TUSC3: variants seen among roughly 807,000 people sequenced by gnomAD.
The protein encoded by TUSC3 is tumor suppressor candidate 3.
A neutral mutation model predicts 44.8 loss-of-function variants in TUSC3; 45 were observed. That is an observed-to-expected ratio of 1.00 (90% CI 0.79 to 1.29). The LOEUF (loss-of-function observed/expected upper bound fraction) is 1.29, where lower values mean the gene tolerates loss of function less well. Ranked by LOEUF, TUSC3 falls within the 50% of genes most tolerant of loss-of-function variation. The pLI, the probability that TUSC3 is intolerant of heterozygous loss-of-function variation, is 0.00. For missense variants in TUSC3, 519 were observed against 437.9 expected (o/e 1.19, Z -1.65); for synonymous variants, 212 against 152.9 (o/e 1.39, Z -2.85).
chr8:15,640,277 G>A (rs998462721), intron 2 of TUSC3, among the ~76,000 whole-genome samples: 1 of 152,186 alleles, frequency 6.6e-6, no homozygotes, highest in Non-Finnish European at 1.5e-5. Flanking sequence ...AATTGATCCT[G>A]TGTGACCTGA....
intron 6 of TUSC3, among the ~76,000 whole-genome samples, chr8:15,684,029 A>C (rs1293464664): frequency 6.6e-6 from 1 of 150,954 alleles, no homozygotes; most frequent in Non-Finnish European, 1.5e-5. Context: ...CACTTAAGAG[A>C]TAAGGGCCTG....
intron 1 of TUSC3, among the ~76,000 whole-genome samples, chr8:15,476,349 T>G (rs1284046169): frequency 6.6e-6 from 1 of 152,212 alleles, no homozygotes; most frequent in Non-Finnish European, 1.5e-5. Flanking sequence ...TTATCCTTTT[T>G]GTATAGTTCA....
chr8:15,432,962 A>T (rs1016645533), intron 1 of TUSC3, among the ~76,000 whole-genome samples: 16 of 152,126 alleles, frequency 1.1e-4, no homozygotes, highest in Non-Finnish European at 1.9e-4. Flanking sequence ...GCTTTGCTAT[A>T]TTTCAAAATG....
chr8:15,432,777 A>G (rs1799887256), intron 1 of TUSC3, among the ~76,000 whole-genome samples: 1 of 151,710 alleles, frequency 6.6e-6, no homozygotes, highest in African/African-American at 2.4e-5. Flanking sequence ...GTGAGGCAGG[A>G]TAGCTAGAGC....
chr8:15,703,468 A>G (rs1809488715), intron 6 of TUSC3, among the ~76,000 whole-genome samples: 1 of 152,132 alleles, frequency 6.6e-6, no homozygotes, highest in Admixed American at 6.5e-5. Flanking sequence ...TATTGAAAAT[A>G]ACAGCTTTGG....
At chr8:15,533,962 A>T (rs935453951) in intron 2 of TUSC3, among the ~76,000 whole-genome samples, 1 of 152,160 alleles carries the variant, frequency 6.6e-6, no homozygotes, top group African/African-American at 2.4e-5. Context: ...GATGGCTGAC[A>T]TTAGCCATTA....
At chr8:15,420,377 T>C (rs930471984) in intron 1 of TUSC3, among the ~76,000 whole-genome samples, 1 of 151,908 alleles carries the variant, frequency 6.6e-6, no homozygotes, top group African/African-American at 2.4e-5. Flanking sequence ...CAGGCACCTG[T>C]AGTCTCAGCT....
In TUSC3 at chr8:15,662,212, G is replaced by A; in HGVS notation, c.624G>A (p.Val208=). 6.2e-7 allele frequency: 1 copy of A among 1,613,192 alleles called. No individual in the cohort carries two copies. Among genetic ancestry groups the A allele is most frequent in the Non-Finnish European group, 8.5e-7 (1 of 1,179,376 alleles). ...YSGTIALALL[V]SLVGGLLYLR... ...GTACCATTGCTTTGGCCCTGTTAGT[G>A]TCGCTTGTTGGAGGTTTGCTTTATT... Residue 208 remains valine (V), a synonymous_variant, in exon 5 of 11, where the codon GTG becomes GTA. Transcript: ENST00000503731.
chr8:15,800,331 G>A, the TUSC3 span, among the ~76,000 whole-genome samples: 1 of 152,152 alleles, frequency 6.6e-6, no homozygotes, highest in Non-Finnish European at 1.5e-5. Context: ...CACTAAGGCT[G>A]GGAGGCTAAG....
chr8:15,719,125 C>A (rs188698102), intron 6 of TUSC3, among the ~76,000 whole-genome samples: 87 of 152,168 alleles, frequency 5.7e-4, no homozygotes, highest in African/African-American at 2.0e-3. Flanking sequence ...ATAGTCTGTT[C>A]TTGACATAGT....
chr8:15,422,423 G>A (rs985749242), intron 1 of TUSC3, among the ~76,000 whole-genome samples: 2 of 152,066 alleles, frequency 1.3e-5, no homozygotes, highest in Non-Finnish European at 2.9e-5. Flanking sequence ...AATGGGGACC[G>A]GCAGAGTAGG....
chr8:15,452,740 G>A (rs907102254), intron 1 of TUSC3, among the ~76,000 whole-genome samples: 2 of 152,100 alleles, frequency 1.3e-5, no homozygotes, highest in Non-Finnish European at 1.5e-5. Flanking sequence ...ATTCAAGTTG[G>A]CTCACTGCAG....
intron 1 of TUSC3, among the ~76,000 whole-genome samples, chr8:15,464,667 C>G (rs956368439): frequency 6.6e-6 from 1 of 152,116 alleles, no homozygotes; most frequent in Non-Finnish European, 1.5e-5. Flanking sequence ...AGATATGGGA[C>G]TTTAATTTTT....
chr8:15,799,144 C>G, the TUSC3 span, among the ~76,000 whole-genome samples: 13 of 152,142 alleles, frequency 8.5e-5, no homozygotes, highest in African/African-American at 3.1e-4. Context: ...ACCAACCACT[C>G]TAAGTCCGTG....
intron 2 of TUSC3, among the ~76,000 whole-genome samples, chr8:15,492,349 T>C: frequency 6.6e-6 from 1 of 152,184 alleles, no homozygotes; most frequent in East Asian, 1.9e-4. Context: ...CATTAACCTC[T>C]TGGTATTAAT....
chr8:15,537,636 C>T (rs1405215966), upstream of TUSC3, among the ~76,000 whole-genome samples: 1 of 152,100 alleles, frequency 6.6e-6, no homozygotes, highest in Non-Finnish European at 1.5e-5. Flanking sequence ...AAAACAAATC[C>T]CTAGGACCCT....
At chr8:15,514,965 T>G (rs1251710352) in intron 2 of TUSC3, among the ~76,000 whole-genome samples, 1 of 152,208 alleles carries the variant, frequency 6.6e-6, no homozygotes, top group Non-Finnish European at 1.5e-5. Context: ...GCCTGACATA[T>G]AGAGAATACT....
intron 1 of TUSC3, among the ~76,000 whole-genome samples, chr8:15,471,570 A>G (rs1800494456): frequency 6.6e-6 from 1 of 152,022 alleles, no homozygotes; most frequent in Admixed American, 6.6e-5. Flanking sequence ...GACTTTATGA[A>G]TCATAGTGTT....
chr8:15,834,007 C>G, the TUSC3 span, among the ~76,000 whole-genome samples: 2 of 151,972 alleles, frequency 1.3e-5, no homozygotes, highest in Non-Finnish European at 2.9e-5. Flanking sequence ...TCTACACATT[C>G]TTTTCAGTTC....
Sources: gnomAD v4.1 joint callset for allele counts (sites outside exome capture counted in the v4.1 genomes callset) on GRCh38, gnomAD v4.1.1 for gene constraint, MANE v1.5 for transcripts, NCBI Gene and HGNC (gene_info 2026-07-23, HGNC 2026-07-21) for gene names.